DDX10: variants seen among roughly 807,000 people sequenced by gnomAD.
DDX10 encodes the protein DEAD-box helicase 10, also known as probable ATP-dependent RNA helicase DDX10.
DDX10 carries 74 observed loss-of-function variants against 104.3 expected under a neutral mutation model. The observed-to-expected ratio is 0.71, with a 90% CI of 0.59 to 0.86. The LOEUF (loss-of-function observed/expected upper bound fraction) is 0.86, where lower values mean the gene tolerates loss of function less well. Among genes scored for constraint, DDX10 ranks in the 40% least tolerant of loss-of-function variants. The pLI, the probability that DDX10 is intolerant of heterozygous loss-of-function variation, is 0.00. For missense variants in DDX10, 952 were observed against 1,040.0 expected, an observed-to-expected ratio of 0.92 and a Z score of 1.16; for synonymous variants, 351 against 353.4, an observed-to-expected ratio of 0.99 and a Z score of 0.08.
At chr11:108,717,166 G>T (rs924976153) in intron 11 of DDX10, among the ~76,000 whole-genome samples, 1 of 152,180 alleles carries the variant, frequency 6.6e-6, no homozygotes, top group South Asian at 2.1e-4. Flanking sequence ...TCAGCAGATA[G>T]ATGAGGTGGG....
At chr11:108,703,143 C>T in intron 9 of DDX10, among the ~76,000 whole-genome samples, 1 of 152,032 alleles carries the variant, frequency 6.6e-6, no homozygotes, top group Non-Finnish European at 1.5e-5. Context: ...AATGTTCTCA[C>T]CACAAAAATG....
At chr11:108,729,101 C>T (rs1047628118) in intron 13 of DDX10, among the ~76,000 whole-genome samples, 2 of 151,958 alleles carry the variant, frequency 1.3e-5, no homozygotes, top group Non-Finnish European at 2.9e-5. Flanking sequence ...GAATCTTCTC[C>T]TTATCTCATG....
intron 16 of DDX10, among the ~76,000 whole-genome samples, chr11:108,901,415 T>G (rs1040463586): frequency 6.6e-6 from 1 of 152,186 alleles, no homozygotes; most frequent in African/African-American, 2.4e-5. Context: ...AAGTTTAGCT[T>G]CCATATGTGT....
chr11:108,906,029 C>T (rs1462779647), intron 16 of DDX10, among the ~76,000 whole-genome samples: 1 of 152,174 alleles, frequency 6.6e-6, no homozygotes, highest in Non-Finnish European at 1.5e-5. Flanking sequence ...GATTACAATT[C>T]AACATGAGGT....
intron 13 of DDX10, among the ~76,000 whole-genome samples, chr11:108,754,289 G>C (rs2094342009): frequency 6.6e-6 from 1 of 151,958 alleles, no homozygotes; most frequent in Non-Finnish European, 1.5e-5. Context: ...TGTCTAAGTA[G>C]CATGAATTAT....
chr11:108,679,321 C>T, intron 5 of DDX10, 50 bp from the exon 6 acceptor site: 3 of 1,455,526 alleles, frequency 2.1e-6, no homozygotes, highest in South Asian at 1.4e-5. Flanking sequence ...TGCATTTAGC[C>T]TAATGTATAT....
chr11:108,687,624 G>A (rs1417770694), intron 6 of DDX10, among the ~76,000 whole-genome samples: 2 of 152,054 alleles, frequency 1.3e-5, no homozygotes, highest in South Asian at 2.1e-4. Flanking sequence ...TTTAAAATTG[G>A]GTGTTTCTGT....
chr11:108,702,312 G>A (rs962712965), intron 9 of DDX10, among the ~76,000 whole-genome samples: 5 of 151,916 alleles, frequency 3.3e-5, no homozygotes, highest in South Asian at 2.1e-4. Context: ...TGTTTTTTTC[G>A]TGTATGTCTG....
chr11:108,796,739 G>A (rs1314038833), intron 13 of DDX10, among the ~76,000 whole-genome samples: 1 of 152,126 alleles, frequency 6.6e-6, no homozygotes, highest in Non-Finnish European at 1.5e-5. Flanking sequence ...TTGGAAACTT[G>A]ATCCCTGATG....
chr11:108,728,850 C>T lies in DDX10; in HGVS notation c.1965+5388C>T, dbSNP rs546400949. On this transcript the variant is annotated intron_variant, in intron 13 of 17. Transcript: ENST00000322536. Reference sequence around the variant, plus strand: ...CCCATTTTTAAATAAGTGAGATGCTCCTAGGTATATATATTTCCCCATGTC... The same window carrying T: ...CCCATTTTTAAATAAGTGAGATGCTTCTAGGTATATATATTTCCCCATGTC... Among the ~76,000 whole-genome samples the T allele has an allele frequency of 2.0e-5, 3 of 152,068 alleles. No individual in the cohort carries two copies. In the South Asian group the frequency reaches 6.2e-4, roughly 32 times the overall value.
chr11:108,940,406 C>A lies in DDX10; in HGVS notation c.2611C>A (p.Leu871Ile), dbSNP rs1256770908. The A allele has an allele frequency of 1.2e-6, 2 of 1,613,412 alleles. No homozygotes were observed. The highest frequency in any genetic ancestry group is 2.7e-5 in the African/African-American group (2 of 74,868). The change falls in exon 18 of 18, where the codon CTA becomes ATA. Residue 871 changes from leucine to isoleucine, a missense_variant. Physicochemically the swap from Leu to Ile is conservative, Grantham distance 5. Transcript: ENST00000322536. ...AEDEELVLHL[L>I]RSQS ...GGATGAAGAGCTGGTGTTACATCTG[C>A]TAAGAAGTCAAAGCTAAATACTTCC...
chr11:108,676,740 A>G (rs1185732957), intron 3 of DDX10, among the ~76,000 whole-genome samples: 1 of 152,198 alleles, frequency 6.6e-6, no homozygotes. Flanking sequence ...CACTGCGCCC[A>G]GCCAAAAGTT....
At chr11:108,767,276 T>G (rs766017497) in intron 13 of DDX10, 2 of 152,252 alleles carry the variant, frequency 1.3e-5, no homozygotes, top group African/African-American at 2.4e-5. Context: ...GCATCTGTGC[T>G]AAGGAAATTC....
At chr11:108,666,267 C>T (rs1420225644) in intron 1 of DDX10, among the ~76,000 whole-genome samples, 2 of 152,182 alleles carry the variant, frequency 1.3e-5, no homozygotes. Context: ...ATCTTGAGGT[C>T]AGGAGTTCGA....
intron 14 of DDX10, among the ~76,000 whole-genome samples, chr11:108,840,214 T>A (rs1193650799): frequency 6.6e-6 from 1 of 152,214 alleles, no homozygotes. Flanking sequence ...CAGTGATATT[T>A]ATCAACCCCA....
chr11:108,919,041 G>A (rs1863789801), intron 17 of DDX10: 1 of 152,140 alleles, frequency 6.6e-6, no homozygotes, highest in African/African-American at 2.4e-5. Flanking sequence ...ATTATGAAAA[G>A]GTCTTAAAGA....
In DDX10 at chr11:108,818,918, A is replaced by G. The variant is rs150655775; in HGVS notation, c.1966-19528A>G. 1.1e-3 allele frequency among the ~76,000 whole-genome samples: 161 copies of G among 152,320 alleles called. 2 individuals carry two copies. The highest frequency in any genetic ancestry group is 3.7e-3 in the African/African-American group (155 of 41,578). ...TTTTGCATCTTGTTAGTATCTGTTT[A>G]AGAAATTCTCAAAGTTTACCATTGT... On this transcript the variant is annotated intron_variant, in intron 13 of 17. Transcript: ENST00000322536.
rs114069671 is a variant in DDX10 at position 108,759,754 on chromosome 11, T to A, written c.1965+36292T>A. On this transcript the variant is annotated intron_variant, in intron 13 of 17. Coordinates refer to ENST00000322536, the MANE Select transcript of DDX10 (RefSeq NM_004398.4). Reference sequence around the variant, plus strand: ...TGGATAATATCTCACGACTAGATTTTCTATGCATTACTTTAATCCAATAAC... The same window carrying A: ...TGGATAATATCTCACGACTAGATTTACTATGCATTACTTTAATCCAATAAC... 1.7e-3 allele frequency among the ~76,000 whole-genome samples: 258 copies of A among 152,100 alleles called. 1 individual carries two copies. Among genetic ancestry groups the A allele is most frequent in the African/African-American group, 6.0e-3 (249 of 41,520 alleles).
Position 108,775,868 on chromosome 11 carries a change from G to A in DDX10, c.1965+52406G>A, listed in dbSNP as rs568994034. On this transcript the variant is annotated intron_variant, in intron 13 of 17. Transcript: ENST00000322536. The stretch of plus-strand genomic sequence containing the variant: ...CTATTATTTCATTTACCATGGCTTA[G>A]CTTTGCCTGTTTAATAACTTCGTAT... Among the ~76,000 whole-genome samples, 14 of 152,210 alleles carry A rather than the reference G, an allele frequency of 9.2e-5. No homozygotes were observed. The East Asian group carries it at 2.5e-3, about 27-fold the overall frequency.
Sources: allele counts gnomAD v4.1 joint callset (sites outside exome capture counted in the v4.1 genomes callset), GRCh38; gene constraint gnomAD v4.1.1; transcripts MANE v1.5; gene names NCBI Gene and HGNC (gene_info 2026-07-23, HGNC 2026-07-21).